The following CFAP92 variants were observed in gnomAD, a reference collection of about 807,000 sequenced individuals.
CFAP92 encodes the protein cilia and flagella associated protein 92 (putative).
CFAP92 carries 86 observed loss-of-function variants against 106.3 expected under a neutral mutation model. The observed-to-expected ratio is 0.81, with a 90% CI of 0.68 to 0.97. The LOEUF (loss-of-function observed/expected upper bound fraction) is 0.97. CFAP92 is among the 50% of genes least tolerant of loss of function. The pLI, the probability that CFAP92 is intolerant of heterozygous loss-of-function variation, is 0.00. For synonymous variants in CFAP92, 477 were observed against 506.4 expected, an observed-to-expected ratio of 0.94 and a Z score of 0.78; for missense variants, 1,204 against 1,283.8, an observed-to-expected ratio of 0.94 and a Z score of 0.95.
chr3:128,910,942 G>A (rs1393858442), intron 15 of CFAP92: 2 of 1,178,344 alleles, frequency 1.7e-6, no homozygotes, highest in East Asian at 4.7e-5. Flanking sequence ...CCTTGAGCGA[G>A]GGCCTGGGTA....
At chr3:128,976,914 C>T in intron 6 of CFAP92, 65 bp downstream of exon 6, 1 of 1,281,042 alleles carries the variant, frequency 7.8e-7, no homozygotes. Flanking sequence ...CCTACCACGA[C>T]TCATAGTAGG....
At chr3:128,988,980 C>T (rs939088054) in intron 2 of CFAP92, 62 bp from the exon 3 acceptor site, 1 of 1,300,314 alleles carries the variant, frequency 7.7e-7, no homozygotes, top group Admixed American at 2.0e-5. Flanking sequence ...GACCCGTCTC[C>T]CCAGTTCCCT....
At chr3:128,932,438 G>C (rs1422598797) in intron 12 of CFAP92, among the ~76,000 whole-genome samples, 2 of 149,838 alleles carry the variant, frequency 1.3e-5, no homozygotes, top group Admixed American at 1.3e-4. Flanking sequence ...GGGAGCCATG[G>C]TAAAGGTAAT....
intron 10 of CFAP92, among the ~76,000 whole-genome samples, chr3:128,942,518 G>A (rs1939741887): frequency 6.6e-6 from 1 of 152,176 alleles, no homozygotes; most frequent in African/African-American, 2.4e-5. Context: ...CTTTCTGGAA[G>A]GTCAGCCTCC....
chr3:128,916,142 GCT>G lies in CFAP92; in HGVS notation c.2879_2880del (p.Glu960AlafsTer81). On this transcript the variant is annotated frameshift_variant, in exon 13 of 16. Coordinates refer to ENST00000645291, the MANE Select transcript of CFAP92 (RefSeq NM_001394090.1). LOFTEE classifies it high-confidence loss of function. The part of the protein sequence containing the change: ...NYSTQTMNST[E>X]LAKKELYQEI... ...TCTTGATACAGCTCCTTCTTGGCAA[GCT>G]CTGTAGAATTCATGGTCTGGGTACT... 1 of 1,232,188 alleles carries G rather than the reference GCT, an allele frequency of 8.1e-7. No homozygotes were observed. Among genetic ancestry groups the G allele is most frequent in the East Asian group, 3.2e-5 (1 of 31,708 alleles). 76.3% of individuals were successfully genotyped at this position (1,232,188 alleles called of 1,614,324 possible). A position where few individuals can be genotyped will look rare whatever the true frequency, so the allele number is the denominator to read the frequency against.
At chr3:128,953,371 C>T (rs529616966) in intron 9 of CFAP92, among the ~76,000 whole-genome samples, 8 of 151,966 alleles carry the variant, frequency 5.3e-5, no homozygotes, top group South Asian at 2.1e-4. Flanking sequence ...AAAAATTAGC[C>T]GGGCGTGGTG....
Position 128,964,490 on chromosome 3 carries a change from C to T in CFAP92, c.1353+1021G>A, listed in dbSNP as rs944749037. Among the ~76,000 whole-genome samples, 11 of 152,146 alleles carry T rather than the reference C, an allele frequency of 7.2e-5. No homozygotes were observed. In the East Asian group the frequency reaches 1.9e-3, roughly 27 times the overall value. ...TTTACACTGCCGGTTTACACTGTTT[C>T]TCCAAGCCATCACAGCTGATATCTC... On this transcript the variant is annotated intron_variant, in intron 9 of 15. Coordinates refer to ENST00000645291, the MANE Select transcript of CFAP92 (RefSeq NM_001394090.1).
chr3:128,910,065 C>T lies in CFAP92; in HGVS notation c.*234G>A. The T allele has an allele frequency of 6.2e-7, 1 of 1,614,008 alleles. No homozygotes were observed. Among genetic ancestry groups the T allele is most frequent in the Non-Finnish European group, 8.5e-7 (1 of 1,180,022 alleles). On this transcript the variant is annotated 3_prime_UTR_variant, in exon 16 of 16. Coordinates refer to ENST00000645291, the MANE Select transcript of CFAP92 (RefSeq NM_001394090.1). ...TGGTACTGAAGCGGGTGGCCAACAT[C>T]CTCATCAACCTGTATGGCATGACGG...
At chr3:128,920,440 A>G (rs755772962) in intron 12 of CFAP92, among the ~76,000 whole-genome samples, 1 of 152,240 alleles carries the variant, frequency 6.6e-6, no homozygotes, top group Non-Finnish European at 1.5e-5. Context: ...ATTAATCAAA[A>G]TAAATGAAAA....
Position 128,945,426 on chromosome 3 carries a change from G to A in CFAP92, c.1903C>T (p.Arg635Ter), listed in dbSNP as rs756051933. 62 of 1,536,028 alleles carry A rather than the reference G, an allele frequency of 4.0e-5. No individual in the cohort carries two copies. Among genetic ancestry groups the A allele is most frequent in the South Asian group, 4.8e-5 (4 of 84,058 alleles). Residue 635 changes from arginine (R) to a stop codon, truncating the protein, a stop_gained, in exon 10 of 16, where the codon CGA becomes TGA. Transcript: ENST00000645291. LOFTEE classifies it high-confidence loss of function. ...CTCAGTGGCACCGCGATGTCCACTC[G>A]CAACTTGAGCTGGGAGTCAGCCTCT... The part of the protein sequence containing the change: ...YLEADSQLKL[R>*]VDIAVPLRAG...
At chr3:129,001,822 A>G in intron 1 of CFAP92, 1 of 1,545,578 alleles carries the variant, frequency 6.5e-7, no homozygotes, top group Non-Finnish European at 8.7e-7. Context: ...GTCTTCCACC[A>G]CCTGGACTGC....
At chr3:128,943,544 T>A (rs910434512) in intron 10 of CFAP92, among the ~76,000 whole-genome samples, 2 of 152,136 alleles carry the variant, frequency 1.3e-5, no homozygotes, top group Non-Finnish European at 2.9e-5. Context: ...TTTCTTTTTT[T>A]TTTTTCTTGA....
upstream of CFAP92, among the ~76,000 whole-genome samples, chr3:128,996,996 C>T (rs993379572): frequency 1.3e-5 from 2 of 152,344 alleles, no homozygotes; most frequent in East Asian, 1.9e-4. Context: ...GGGACCTAGG[C>T]GTGGAACCAG....
At chr3:128,957,839 G>T (rs55990755) in intron 9 of CFAP92, among the ~76,000 whole-genome samples, 33,952 of 152,010 alleles carry the variant, frequency 0.22, 4,188 homozygotes, top group Middle Eastern at 0.29. Context: ...AACTGGGGGG[G>T]GGCTTAAAAT....
intron 12 of CFAP92, among the ~76,000 whole-genome samples, chr3:128,921,880 C>T (rs554803789): frequency 9.2e-5 from 14 of 152,296 alleles, no homozygotes; most frequent in African/African-American, 3.4e-4. Flanking sequence ...TAGACCTTTG[C>T]AGCACAATTC....
At chr3:128,919,211 T>G (rs796251172) in intron 12 of CFAP92, among the ~76,000 whole-genome samples, 51 of 152,164 alleles carry the variant, frequency 3.4e-4, no homozygotes, top group African/African-American at 1.2e-3. Context: ...CCCAAAGTGT[T>G]GGGATTACAG....
At chr3:129,004,005 A>G (rs779196353), upstream of CFAP92, 3 of 1,505,622 alleles carry the variant, frequency 2.0e-6, no homozygotes, top group African/African-American at 2.9e-5. Flanking sequence ...CGAGAGCTGG[A>G]GGCGCTGGCG....
intron 1 of CFAP92, among the ~76,000 whole-genome samples, chr3:129,001,361 G>A (rs572246543): frequency 6.6e-6 from 1 of 152,350 alleles, no homozygotes; most frequent in East Asian, 1.9e-4. Flanking sequence ...ACGCGGAGAA[G>A]CCAGACCCAG....
chr3:128,960,976 C>T (rs1387695917), intron 9 of CFAP92, among the ~76,000 whole-genome samples: 1 of 152,196 alleles, frequency 6.6e-6, no homozygotes, highest in East Asian at 1.9e-4. Flanking sequence ...GGTTTGCTTC[C>T]TTCACTATGG....
Sources: allele counts gnomAD v4.1 joint callset (sites outside exome capture counted in the v4.1 genomes callset), GRCh38; gene constraint gnomAD v4.1.1; transcripts MANE v1.5; gene names NCBI Gene and HGNC (gene_info 2026-07-23, HGNC 2026-07-21).